The following ARID1B variants were observed in gnomAD, a reference collection of about 807,000 sequenced individuals.
The protein encoded by ARID1B is AT-rich interactive domain-containing protein 1B.
ARID1B carries 30 observed loss-of-function variants against 212.3 expected under a neutral mutation model. The observed-to-expected ratio is 0.14, with a 90% CI of 0.11 to 0.19. The LOEUF (loss-of-function observed/expected upper bound fraction) is 0.19. ARID1B is among the 10% of genes least tolerant of loss of function. ARID1B has a pLI of 1.00. For synonymous variants in ARID1B, 1,402 were observed against 1,301.7 expected, an observed-to-expected ratio of 1.08 and a Z score of -1.66; for missense variants, 2,891 against 3,204.0, an observed-to-expected ratio of 0.90 and a Z score of 2.36.
chr6:156,797,892 C>T (rs1055331093), intron 1 of ARID1B, among the ~76,000 whole-genome samples: 1 of 152,066 alleles, frequency 6.6e-6, no homozygotes, highest in African/African-American at 2.4e-5. Flanking sequence ...GAGGAGCCAC[C>T]CAGAGAGCCA....
At chr6:156,940,842 C>A (rs1445620203) in intron 4 of ARID1B, 4 of 152,210 alleles carry the variant, frequency 2.6e-5, no homozygotes, top group Admixed American at 2.0e-4. Context: ...TGCTAGTTCT[C>A]AGTCCAACCC....
At chr6:157,017,963 C>CAAAA (rs112983063) in intron 4 of ARID1B, among the ~76,000 whole-genome samples, 2,648 of 97,216 alleles carry the variant, frequency 0.027, 89 homozygotes, top group African/African-American at 0.044. Context: ...ACCATCTCTA[C>CAAAA]AAAAAAAAAA....
intron 1 of ARID1B, among the ~76,000 whole-genome samples, chr6:156,809,880 G>T (rs1345852720): frequency 6.6e-6 from 1 of 152,160 alleles, no homozygotes; most frequent in Non-Finnish European, 1.5e-5. Context: ...CTCTGTGGAG[G>T]TGGGCACAGT....
intron 1 of ARID1B, among the ~76,000 whole-genome samples, chr6:156,783,582 T>C (rs1443817089): frequency 6.6e-6 from 1 of 152,212 alleles, no homozygotes; most frequent in Non-Finnish European, 1.5e-5. Flanking sequence ...AACACTTGCT[T>C]TCCTAGGATA....
At chr6:156,823,856 G>A (rs2128026750) in intron 1 of ARID1B, among the ~76,000 whole-genome samples, 1 of 152,188 alleles carries the variant, frequency 6.6e-6, no homozygotes, top group Middle Eastern at 3.4e-3. Flanking sequence ...AAATGCATGT[G>A]TAGGGATACT....
chr6:157,195,455 C>G (rs1793650279), intron 15 of ARID1B: 1 of 152,266 alleles, frequency 6.6e-6, no homozygotes. Flanking sequence ...TGCTTCCTCT[C>G]TAAGCTCTAG....
chr6:157,151,132 A>T (rs921206310), intron 8 of ARID1B: 1 of 152,600 alleles, frequency 6.6e-6, no homozygotes, highest in Non-Finnish European at 1.5e-5. Flanking sequence ...GCTTTCCTTC[A>T]TGCCTGAGAG....
chr6:156,980,495 A>G (rs1777542226), intron 4 of ARID1B, among the ~76,000 whole-genome samples: 1 of 152,150 alleles, frequency 6.6e-6, no homozygotes, highest in South Asian at 2.1e-4. Flanking sequence ...AAAACAAAAC[A>G]AAACAAAACA....
At chr6:157,063,440 C>T (rs2128411941) in intron 4 of ARID1B, among the ~76,000 whole-genome samples, 1 of 152,274 alleles carries the variant, frequency 6.6e-6, no homozygotes, top group African/African-American at 2.4e-5. Flanking sequence ...AAGCCAGTGC[C>T]TTTTCCACAC....
At chr6:156,858,568 C>T (rs567596352) in intron 2 of ARID1B, among the ~76,000 whole-genome samples, 14 of 152,280 alleles carry the variant, frequency 9.2e-5, no homozygotes, top group African/African-American at 2.9e-4. Context: ...GAGTTCAAGA[C>T]GATCCTGGCC....
chr6:157,066,340 T>C (rs1005655961), intron 4 of ARID1B, among the ~76,000 whole-genome samples: 3 of 152,362 alleles, frequency 2.0e-5, no homozygotes, highest in South Asian at 4.1e-4. Flanking sequence ...AGTTCAATTC[T>C]TTTCCATTTT....
At chr6:157,084,547 G>A in intron 4 of ARID1B, 115 bp from the exon 5 acceptor site, 2 of 1,333,888 alleles carry the variant, frequency 1.5e-6, no homozygotes, top group Non-Finnish European at 2.0e-6. Context: ...TATTTTGGGT[G>A]TTACCCAGAA....
intron 3 of ARID1B, among the ~76,000 whole-genome samples, chr6:156,906,862 TCTTACATAC>T (rs1378523410): frequency 1.3e-5 from 2 of 152,236 alleles, no homozygotes; most frequent in African/African-American, 4.8e-5. Flanking sequence ...TTAGGATTAT[TCTTACATAC>T]CTTATTTTTT....
rs1020975837 is a variant in ARID1B at position 157,157,042 on chromosome 6, C to G, written c.3089+8091C>G. Among the ~76,000 whole-genome samples, 5 of 152,140 alleles carry G rather than the reference C, an allele frequency of 3.3e-5. No homozygotes were observed. The East Asian group carries it at 9.6e-4, about 29-fold the overall frequency. On this transcript the variant is annotated intron_variant, in intron 8 of 19. Transcript: ENST00000636930. ...TCTGCCCTTTTGCTTCCTCTCAGAC[C>G]TCAGTATCCTCCTCATCCCCTGAAA...
intron 4 of ARID1B, among the ~76,000 whole-genome samples, chr6:156,971,945 C>T (rs1166089570): frequency 2.0e-5 from 3 of 152,148 alleles, no homozygotes; most frequent in African/African-American, 7.2e-5. Context: ...TTTACGGGTC[C>T]TTCCTGCACT....
intron 1 of ARID1B, among the ~76,000 whole-genome samples, chr6:156,781,385 G>C (rs1285625202): frequency 6.6e-6 from 1 of 151,990 alleles, no homozygotes; most frequent in Non-Finnish European, 1.5e-5. Flanking sequence ...GTTGTGCTGG[G>C]TGTCTTTTTT....
chr6:156,974,493 A>G (rs1301120426), intron 4 of ARID1B, among the ~76,000 whole-genome samples: 1 of 152,238 alleles, frequency 6.6e-6, no homozygotes, highest in Non-Finnish European at 1.5e-5. Flanking sequence ...TTGGAGAAGA[A>G]GAGAAAGGTT....
In ARID1B at chr6:157,200,824, C is replaced by G. The variant is rs777844769; in HGVS notation, c.4599C>G (p.Ser1533=). The G allele has an allele frequency of 1.2e-5, 20 of 1,614,018 alleles. No individual in the cohort carries two copies. Among genetic ancestry groups the G allele is most frequent in the Non-Finnish European group, 1.6e-5 (19 of 1,180,044 alleles). ...AGATGTACAACCAGTATGGAGGCTCCTACTCGGGCCCGGACCGCAGGCCCA... is the reference window on the plus strand; with the variant it reads ...AGATGTACAACCAGTATGGAGGCTCGTACTCGGGCCCGGACCGCAGGCCCA... ...QQEMYNQYGG[S]YSGPDRRPIQ... Residue 1533 remains serine, a synonymous_variant, in exon 18 of 20, where the codon TCC becomes TCG. Transcript: ENST00000636930. This position sits in a 1 kb window ranked among gnomAD's most constrained non-coding sequence, Gnocchi z 4.3.
At chr6:157,145,103 G>C (rs1789631612) in intron 7 of ARID1B, among the ~76,000 whole-genome samples, 1 of 152,134 alleles carries the variant, frequency 6.6e-6, no homozygotes, top group Non-Finnish European at 1.5e-5. Context: ...CAGATCTGTT[G>C]TTGTGCTCTC....
Sources: allele counts gnomAD v4.1 joint callset (sites outside exome capture counted in the v4.1 genomes callset), GRCh38; gene constraint gnomAD v4.1.1; non-coding constraint Gnocchi (gnomAD v3.1); transcripts MANE v1.5; gene names NCBI Gene and HGNC (gene_info 2026-07-23, HGNC 2026-07-21).